The following PCDH19 variants were observed in gnomAD, a reference collection of about 807,000 sequenced individuals.
The protein encoded by PCDH19 is protocadherin-19.
A neutral mutation model predicts 46.2 loss-of-function variants in PCDH19; 6 were observed. The observed-to-expected ratio is 0.13, with a 90% confidence interval of 0.07 to 0.26. The LOEUF is 0.26. Ranked by LOEUF, PCDH19 falls within the 10% of genes least tolerant of loss-of-function variation. PCDH19 has a pLI of 1.00. For synonymous variants in PCDH19, 481 were observed against 415.7 expected, an observed-to-expected ratio of 1.16 and a Z score of -1.91; for missense variants, 740 against 972.3, an observed-to-expected ratio of 0.76 and a Z score of 3.18.
rs61742914 is a variant in PCDH19, at chrX:100,342,009, T to C, written c.2742A>G (p.Gln914=). The change falls in exon 5 of 6, where the codon CAA becomes CAG. Residue 914 remains glutamine, a synonymous_variant. Transcript: ENST00000373034. ...GCTGGACATCATGCTCACTGTCAGTTTGGTCACTCTCCTCATGTCCACTAT... is the reference window on the plus strand; with the variant it reads ...GCTGGACATCATGCTCACTGTCAGTCTGGTCACTCTCCTCATGTCCACTAT... ...LKDSGHEESD[Q]TDSEHDVQRS... 7.4e-6 allele frequency: 9 copies of C among 1,208,724 alleles called. No individual in the cohort carries two copies. Among genetic ancestry groups the C allele is most frequent in the South Asian group, 1.8e-5 (1 of 56,918 alleles).
intron 3 of PCDH19, among the ~76,000 whole-genome samples, chrX:100,398,573 T>C (rs1284402100): frequency 8.9e-6 from 1 of 111,967 alleles, no homozygotes; most frequent in East Asian, 2.8e-4. Context: ...GAAACTATCT[T>C]GTATTGCTTG....
intron 3 of PCDH19, among the ~76,000 whole-genome samples, chrX:100,381,888 A>T (rs1465930573): frequency 9.0e-6 from 1 of 111,445 alleles, no homozygotes; most frequent in African/African-American, 3.3e-5. Context: ...GGTTTATAGC[A>T]AAGCAACAAC....
Position 100,295,996 on chromosome X carries a change from T to G in PCDH19, c.*281A>C, listed in dbSNP as rs192979524. The G allele has an allele frequency of 2.9e-4, 102 of 350,424 alleles. No individual in the cohort carries two copies. Among genetic ancestry groups the G allele is most frequent in the African/African-American group, 2.4e-3 (95 of 39,054 alleles). The allele number at this position is 350,424 out of a possible 1,213,427, so 28.9% of individuals were successfully genotyped here. On this transcript the variant is annotated 3_prime_UTR_variant, in exon 6 of 6. Coordinates refer to ENST00000373034, the MANE Select transcript of PCDH19 (RefSeq NM_001184880.2). ...AGAAAAATATATAAATTCAAACACT[T>G]AATACATAATACTTTTCACAACTGA...
rs895993846 is a variant in PCDH19, at chrX:100,362,619, C to G, written c.2617-11915G>C. On this transcript the variant is annotated intron_variant, in intron 3 of 5. Coordinates refer to ENST00000373034, the MANE Select transcript of PCDH19 (RefSeq NM_001184880.2). ...CCATCCTGGCTAATACGGTGAAACC[C>G]CGTCTCTACTAAAAATACAAAAAAA... 5.6e-5 allele frequency among the ~76,000 whole-genome samples: 6 copies of G among 106,990 alleles called. No individual in the cohort carries two copies. The East Asian group carries it at 1.8e-3, about 32-fold the overall frequency. The allele number at this position is 106,990 out of a possible 115,157, so 92.9% of individuals were successfully genotyped here.
intron 5 of PCDH19, among the ~76,000 whole-genome samples, chrX:100,319,787 T>C (rs1169349018): frequency 8.9e-6 from 1 of 112,022 alleles, no homozygotes; most frequent in Non-Finnish European, 1.9e-5. Context: ...GAGCTAATCA[T>C]TCCATTTTGG....
Position 100,321,628 on chromosome X carries a change from T to C in PCDH19, c.2848+20275A>G, listed in dbSNP as rs753229103. 5.4e-5 allele frequency among the ~76,000 whole-genome samples: 6 copies of C among 110,317 alleles called. No homozygotes were observed. In the South Asian group the frequency reaches 2.3e-3, roughly 43 times the overall value. ...TTTTTGATGGGATTGTTTGTTTGTT[T>C]CTCATTGATTTGTTTGAGTTCGTTG... On this transcript the variant is annotated intron_variant, in intron 5 of 5. Transcript: ENST00000373034.
At chrX:100,320,053 G>A (rs1478671656) in intron 5 of PCDH19, among the ~76,000 whole-genome samples, 1 of 111,342 alleles carries the variant, frequency 9.0e-6, no homozygotes, top group African/African-American at 3.3e-5. Flanking sequence ...TCAGAATGTT[G>A]AACAAAAGCC....
chrX:100,354,438 G>A (rs1017008108), intron 3 of PCDH19, among the ~76,000 whole-genome samples: 6 of 111,778 alleles, frequency 5.4e-5, no homozygotes, highest in Admixed American at 1.9e-4. Flanking sequence ...AATTAGCCTG[G>A]AATTGGACCC....
intron 5 of PCDH19, among the ~76,000 whole-genome samples, chrX:100,341,390 A>G: frequency 9.0e-6 from 1 of 111,623 alleles, no homozygotes; most frequent in Non-Finnish European, 1.9e-5. Flanking sequence ...AGCCCCATAG[A>G]CAAAATGGGA....
At chrX:100,321,741 C>G (rs1027605730) in intron 5 of PCDH19, among the ~76,000 whole-genome samples, 1 of 104,513 alleles carries the variant, frequency 9.6e-6, no homozygotes, top group Non-Finnish European at 2.0e-5. Context: ...GTTTCTTTTG[C>G]AGTGCAAAAG....
intron 3 of PCDH19, among the ~76,000 whole-genome samples, chrX:100,379,555 G>T (rs6620877): frequency 5.6e-4 from 63 of 112,104 alleles, no homozygotes; most frequent in African/African-American, 2.0e-3. Flanking sequence ...AATAAAGGCT[G>T]GCTTTTGATG....
chrX:100,312,865 C>T (rs929240606), intron 5 of PCDH19, among the ~76,000 whole-genome samples: 2 of 111,161 alleles, frequency 1.8e-5, no homozygotes, highest in East Asian at 2.9e-4. Context: ...TGAGTTAACT[C>T]GAGCCTTTGC....
chrX:100,324,397 C>T (rs1379766864), intron 5 of PCDH19, among the ~76,000 whole-genome samples: 3 of 111,470 alleles, frequency 2.7e-5, no homozygotes, highest in African/African-American at 9.8e-5. Flanking sequence ...AGTAATTACC[C>T]CTCAAAGCAA....
intron 4 of PCDH19, among the ~76,000 whole-genome samples, chrX:100,342,574 T>A (rs1926285544): frequency 9.0e-6 from 1 of 111,582 alleles, no homozygotes; most frequent in Non-Finnish European, 1.9e-5. Context: ...GGAAGTGAGA[T>A]AACTCGCCCA....
At chrX:100,297,468 C>T (rs1357700232) in intron 5 of PCDH19, among the ~76,000 whole-genome samples, 1 of 111,552 alleles carries the variant, frequency 9.0e-6, no homozygotes, top group African/African-American at 3.3e-5. Context: ...TATGCCACTT[C>T]CATGACTTGA....
At chrX:100,334,432 T>C (rs1401006924) in intron 5 of PCDH19, among the ~76,000 whole-genome samples, 2 of 112,039 alleles carry the variant, frequency 1.8e-5, no homozygotes, top group African/African-American at 3.2e-5. Context: ...GTTTAATTAC[T>C]TGAATCCAGG....
At chrX:100,375,529 A>G (rs891799791) in intron 3 of PCDH19, among the ~76,000 whole-genome samples, 5 of 112,265 alleles carry the variant, frequency 4.5e-5, no homozygotes, top group Non-Finnish European at 9.4e-5. Context: ...AGTCTTTGCT[A>G]TTGTGAATCG....
intron 3 of PCDH19, among the ~76,000 whole-genome samples, chrX:100,396,153 G>A (rs2050419): frequency 0.29 from 32,134 of 111,204 alleles, 3,574 homozygotes; most frequent in Non-Finnish European, 0.35. Flanking sequence ...TACACATGCA[G>A]AGGGGCCAAC....
intron 5 of PCDH19, among the ~76,000 whole-genome samples, chrX:100,314,390 A>G (rs1925234017): frequency 8.9e-6 from 1 of 112,178 alleles, no homozygotes; most frequent in African/African-American, 3.2e-5. Flanking sequence ...TCAACTAGAC[A>G]CAGACTGTCC....
Sources: allele counts gnomAD v4.1 joint callset (sites outside exome capture counted in the v4.1 genomes callset), GRCh38; gene constraint gnomAD v4.1.1; transcripts MANE v1.5; gene names NCBI Gene and HGNC (gene_info 2026-07-23, HGNC 2026-07-21).